SEMA6D: variants seen among roughly 807,000 people sequenced by gnomAD.
SEMA6D encodes the protein semaphorin-6D.
SEMA6D carries 35 observed loss-of-function variants against 106.6 expected under a neutral mutation model. That is an observed-to-expected ratio of 0.33 (90% CI 0.25 to 0.44). SEMA6D has a LOEUF of 0.44. Ranked by LOEUF, SEMA6D falls within the 20% of genes least tolerant of loss-of-function variation. The probability of loss-of-function intolerance (pLI) is 1.00; values close to 1 mark genes in which losing one functional copy is unlikely to be tolerated. For synonymous variants in SEMA6D, 499 were observed against 487.7 expected, an observed-to-expected ratio of 1.02 and a Z score of -0.31; for missense variants, 1,185 against 1,345.9, an observed-to-expected ratio of 0.88 and a Z score of 1.87.
At chr15:47,476,370 A>G (rs927627317) in intron 3 of SEMA6D, among the ~76,000 whole-genome samples, 4 of 152,170 alleles carry the variant, frequency 2.6e-5, no homozygotes, top group African/African-American at 7.2e-5. Flanking sequence ...ATAAAAGGAG[A>G]TGGACCTAAT....
intron 1 of SEMA6D, among the ~76,000 whole-genome samples, chr15:47,394,441 G>A (rs1434230934): frequency 1.3e-5 from 2 of 152,116 alleles, no homozygotes; most frequent in African/African-American, 4.8e-5. Context: ...GAAGAGTGCT[G>A]GATTCGTATC....
intron 4 of SEMA6D, among the ~76,000 whole-genome samples, chr15:47,654,111 A>G (rs990157658): frequency 6.6e-6 from 1 of 152,232 alleles, no homozygotes; most frequent in African/African-American, 2.4e-5. Flanking sequence ...TGAAGAAGAA[A>G]GAAGGGATGA....
intron 3 of SEMA6D, among the ~76,000 whole-genome samples, chr15:47,484,479 G>T (rs551238014): frequency 3.3e-5 from 5 of 152,126 alleles, no homozygotes; most frequent in Non-Finnish European, 7.4e-5. Flanking sequence ...GAGGATTAGC[G>T]CAGGTTATGG....
chr15:47,529,445 T>G (rs1388009259), intron 3 of SEMA6D, among the ~76,000 whole-genome samples: 2 of 152,130 alleles, frequency 1.3e-5, no homozygotes, highest in Non-Finnish European at 2.9e-5. Flanking sequence ...CAACAAGGCT[T>G]TAGCTGGAAG....
chr15:47,746,984 G>GTATATATATATATA (rs3985864), intron 1 of SEMA6D, among the ~76,000 whole-genome samples: 2,930 of 121,920 alleles, frequency 0.024, 89 homozygotes, highest in South Asian at 0.098. Context: ...GTGTGTGTGT[G>GTATATATATATATA]TATATATATA....
chr15:47,698,839 T>C (rs1418740776), intron 4 of SEMA6D, among the ~76,000 whole-genome samples: 1 of 152,152 alleles, frequency 6.6e-6, no homozygotes, highest in Non-Finnish European at 1.5e-5. Flanking sequence ...TACTTACTAC[T>C]TACTTGCCTC....
At chr15:47,239,590 G>A (rs1328217193) in intron 1 of SEMA6D, among the ~76,000 whole-genome samples, 3 of 152,166 alleles carry the variant, frequency 2.0e-5, no homozygotes, top group Non-Finnish European at 4.4e-5. Context: ...GGGCTTCGGA[G>A]TTCACGTCTT....
intron 1 of SEMA6D, among the ~76,000 whole-genome samples, chr15:47,189,265 T>C (rs1300935722): frequency 6.6e-6 from 1 of 152,174 alleles, no homozygotes; most frequent in African/African-American, 2.4e-5. Flanking sequence ...ACAATTCCCA[T>C]GGCAAGCTAA....
chr15:47,680,435 T>C (rs1174734871), intron 4 of SEMA6D, among the ~76,000 whole-genome samples: 1 of 152,188 alleles, frequency 6.6e-6, no homozygotes. Context: ...ACTTGATTAA[T>C]GAATTTATTA....
intron 4 of SEMA6D, among the ~76,000 whole-genome samples, chr15:47,644,750 C>T (rs1431299030): frequency 6.6e-6 from 1 of 152,212 alleles, no homozygotes; most frequent in Non-Finnish European, 1.5e-5. Flanking sequence ...ATTACCCAGT[C>T]TCAGATATTC....
Position 47,233,492 on chromosome 15 carries a change from C to T in SEMA6D, c.-239+49074C>T, listed in dbSNP as rs564119248. On this transcript the variant is annotated intron_variant, in intron 1 of 19. Coordinates refer to the SEMA6D transcript ENST00000558014. The stretch of plus-strand genomic sequence containing the variant: ...AAAACAGCAATTAGCATTTCAGTAA[C>T]GATTGCATTGTATCTGTCAATTTGG... 2.6e-5 allele frequency among the ~76,000 whole-genome samples: 4 copies of T among 152,074 alleles called. No individual in the cohort carries two copies. The East Asian group carries it at 7.7e-4, about 29-fold the overall frequency.
At chr15:47,290,158 A>G (rs1773736608) in intron 1 of SEMA6D, among the ~76,000 whole-genome samples, 1 of 152,204 alleles carries the variant, frequency 6.6e-6, no homozygotes, top group Non-Finnish European at 1.5e-5. Flanking sequence ...TTTAAGGCCT[A>G]TACATAAGAG....
At chr15:47,470,987 T>C (rs2042819307) in intron 3 of SEMA6D, among the ~76,000 whole-genome samples, 1 of 152,170 alleles carries the variant, frequency 6.6e-6, no homozygotes, top group Non-Finnish European at 1.5e-5. Context: ...GTAATGGCCT[T>C]GTCTGTTAAG....
intron 1 of SEMA6D, among the ~76,000 whole-genome samples, chr15:47,197,318 C>A (rs541716012): frequency 2.6e-5 from 4 of 152,170 alleles, no homozygotes; most frequent in Admixed American, 1.3e-4. Context: ...TGTGCCAACA[C>A]TTTTAAGTTT....
chr15:47,457,341 G>A (rs1426226514), intron 2 of SEMA6D, among the ~76,000 whole-genome samples: 4 of 151,636 alleles, frequency 2.6e-5, no homozygotes, highest in Non-Finnish European at 5.9e-5. Flanking sequence ...AAAAATACAC[G>A]TTTTATTAGG....
At chr15:47,329,544 G>A (rs543935947) in intron 1 of SEMA6D, among the ~76,000 whole-genome samples, 12 of 152,272 alleles carry the variant, frequency 7.9e-5, no homozygotes, top group African/African-American at 2.6e-4. Flanking sequence ...AAATCATTGG[G>A]ATTTACTTTA....
chr15:47,392,975 T>C (rs756183412), intron 1 of SEMA6D, among the ~76,000 whole-genome samples: 6 of 152,224 alleles, frequency 3.9e-5, no homozygotes, highest in Non-Finnish European at 7.3e-5. Context: ...TGTGGCATAT[T>C]GAGAACACTG....
At chr15:47,722,297 G>T (rs1333686740) in intron 1 of SEMA6D, among the ~76,000 whole-genome samples, 2 of 152,126 alleles carry the variant, frequency 1.3e-5, no homozygotes, top group African/African-American at 4.8e-5. Context: ...GGGAAGAAAG[G>T]AATGAAGTAG....
At chr15:47,652,634 A>AC (rs1491281469) in intron 4 of SEMA6D, among the ~76,000 whole-genome samples, 2 of 152,166 alleles carry the variant, frequency 1.3e-5, no homozygotes, top group African/African-American at 4.8e-5. Context: ...TCACGTATAG[A>AC]CTGCTTTCCC....
Sources: gnomAD v4.1 joint callset for allele counts (sites outside exome capture counted in the v4.1 genomes callset) on GRCh38, gnomAD v4.1.1 for gene constraint, MANE v1.5 for transcripts, NCBI Gene and HGNC (gene_info 2026-07-23, HGNC 2026-07-21) for gene names.